PVT1: variants seen among roughly 807,000 people sequenced by gnomAD.
PVT1 encodes Pvt1 oncogene, also known as CXCR4/PVT1 fusion.
intron 2 of PVT1, among the ~76,000 whole-genome samples, chr8:127,863,274 C>T (rs752956081): frequency 6.6e-6 from 1 of 151,916 alleles, no homozygotes; most frequent in Non-Finnish European, 1.5e-5. Flanking sequence ...ACTGCGCCAG[C>T]TAATTTTTTG....
At chr8:127,807,837 G>C (rs1376224156) in intron 2 of PVT1, among the ~76,000 whole-genome samples, 1 of 151,330 alleles carries the variant, frequency 6.6e-6, no homozygotes, top group African/African-American at 2.4e-5. Flanking sequence ...GCGCCATCTC[G>C]GCTCACCGCA....
chr8:127,817,671 C>G (rs1814682016), intron 2 of PVT1, among the ~76,000 whole-genome samples: 3 of 148,012 alleles, frequency 2.0e-5, no homozygotes. Flanking sequence ...CACTTGAGCT[C>G]AGGAGTGGGA....
intron 3 of PVT1, among the ~76,000 whole-genome samples, chr8:127,903,121 A>G (rs1161482880): frequency 6.6e-6 from 1 of 152,160 alleles, no homozygotes; most frequent in African/African-American, 2.4e-5. Flanking sequence ...TTTTTAATGA[A>G]AACCATTCTG....
intron 5 of PVT1, among the ~76,000 whole-genome samples, chr8:128,080,677 T>A (rs1394083767): frequency 4.6e-5 from 7 of 152,242 alleles, no homozygotes; most frequent in African/African-American, 1.7e-4. Context: ...TCATTCTCTT[T>A]GTAGTGTCTT....
intron 2 of PVT1, among the ~76,000 whole-genome samples, chr8:127,886,222 T>G (rs1015448954): frequency 3.9e-5 from 6 of 152,320 alleles, no homozygotes; most frequent in African/African-American, 1.4e-4. Flanking sequence ...AGAACCACTG[T>G]TTTTCTCTGG....
chr8:127,924,024 C>A (rs77269386), intron 3 of PVT1, among the ~76,000 whole-genome samples: 2 of 152,208 alleles, frequency 1.3e-5, no homozygotes, highest in African/African-American at 2.4e-5. Context: ...CTCCATGCCC[C>A]CTCTGGCATG....
intron 4 of PVT1, among the ~76,000 whole-genome samples, chr8:127,991,997 C>G (rs945696971): frequency 2.0e-5 from 3 of 152,002 alleles, no homozygotes; most frequent in Admixed American, 2.0e-4. Context: ...AGGGTCTACC[C>G]CAGGCTCCAC....
intron 3 of PVT1, among the ~76,000 whole-genome samples, chr8:127,923,553 T>C (rs1386885994): frequency 1.3e-5 from 2 of 152,216 alleles, no homozygotes; most frequent in East Asian, 1.9e-4. Context: ...GAGCAGGATC[T>C]TCTATTGGCA....
At chr8:128,022,734 C>T (rs1157379821) in intron 4 of PVT1, among the ~76,000 whole-genome samples, 1 of 152,190 alleles carries the variant, frequency 6.6e-6, no homozygotes, top group South Asian at 2.1e-4. Context: ...TGGATCCTCC[C>T]TTCTTCATCT....
At chr8:127,855,490 G>T (rs188866628) in intron 2 of PVT1, among the ~76,000 whole-genome samples, 8 of 152,174 alleles carry the variant, frequency 5.3e-5, no homozygotes, top group Non-Finnish European at 7.3e-5. Context: ...GGTGGCTTTG[G>T]GGGGGACATT....
intron 3 of PVT1, among the ~76,000 whole-genome samples, chr8:127,968,779 G>A (rs1489546867): frequency 5.9e-5 from 9 of 152,148 alleles, no homozygotes; most frequent in Non-Finnish European, 1.3e-4. Context: ...AATGAAGGAT[G>A]TTTTTCTAAG....
intron 5 of PVT1, among the ~76,000 whole-genome samples, chr8:128,074,586 A>T (rs149576689): frequency 1.3e-5 from 2 of 151,552 alleles, no homozygotes; most frequent in African/African-American, 2.4e-5. Context: ...AATGCTTTTT[A>T]TAGTGATTTG....
At chr8:127,879,729 A>G (rs549853954) in intron 2 of PVT1, among the ~76,000 whole-genome samples, 9 of 152,290 alleles carry the variant, frequency 5.9e-5, no homozygotes, top group Admixed American at 4.6e-4. Context: ...AACACAACCA[A>G]TGCTCTCAGA....
chr8:128,008,286 C>T (rs540915102), intron 4 of PVT1, among the ~76,000 whole-genome samples: 6 of 152,252 alleles, frequency 3.9e-5, no homozygotes, highest in Non-Finnish European at 7.4e-5. Flanking sequence ...GGCAGATGCT[C>T]CTTAATTTAA....
intron 3 of PVT1, among the ~76,000 whole-genome samples, chr8:127,925,364 T>C (rs1342436809): frequency 6.6e-6 from 1 of 152,136 alleles, no homozygotes; most frequent in Non-Finnish European, 1.5e-5. Flanking sequence ...CAAAAAAATC[T>C]AGTTGAAAAA....
chr8:128,022,775 A>T (rs547891818), intron 4 of PVT1, among the ~76,000 whole-genome samples: 38 of 152,218 alleles, frequency 2.5e-4, no homozygotes, highest in African/African-American at 8.9e-4. Flanking sequence ...GATTACAGGA[A>T]TGGCCCTAAT....
chr8:127,815,140 A>G (rs930287917), intron 2 of PVT1, among the ~76,000 whole-genome samples: 42 of 151,726 alleles, frequency 2.8e-4, no homozygotes, highest in African/African-American at 9.9e-4. Flanking sequence ...TAATTTTTGT[A>G]TTTTTTAGTA....
intron 3 of PVT1, among the ~76,000 whole-genome samples, chr8:127,891,872 A>G (rs976595996): frequency 6.6e-6 from 1 of 152,142 alleles, no homozygotes; most frequent in Non-Finnish European, 1.5e-5. Context: ...TGCCAGCTGG[A>G]GGGAGGGAGC....
At chr8:127,821,736 C>T (rs1320717277) in intron 2 of PVT1, among the ~76,000 whole-genome samples, 3 of 151,740 alleles carry the variant, frequency 2.0e-5, no homozygotes, top group Non-Finnish European at 2.9e-5. Context: ...GGCGTGAATC[C>T]GGGAGGCGGA....
Sources: allele counts gnomAD v4.1 joint callset (sites outside exome capture counted in the v4.1 genomes callset), GRCh38; gene constraint gnomAD v4.1.1; transcripts MANE v1.5; gene names NCBI Gene and HGNC (gene_info 2026-07-23, HGNC 2026-07-21).